Variants in PLCXD3 observed in about 807,000 individuals in gnomAD.
The protein encoded by PLCXD3 is phosphatidylinositol specific phospholipase C X domain containing 3.
In PLCXD3, 19 loss-of-function variants were observed where a neutral mutation model predicts 25.5. The ratio of observed to expected loss-of-function variants is 0.75; its 90% CI spans 0.52 to 1.09. The LOEUF (loss-of-function observed/expected upper bound fraction) is 1.09. Ranked by LOEUF, PLCXD3 falls within the 50% of genes least tolerant of loss-of-function variation. The probability of loss-of-function intolerance (pLI) is 0.00; values close to 1 mark genes in which losing one functional copy is unlikely to be tolerated. For missense variants in PLCXD3, 411 were observed against 388.1 expected, an observed-to-expected ratio of 1.06 and a Z score of -0.50; for synonymous variants, 174 against 137.6, an observed-to-expected ratio of 1.26 and a Z score of -1.85.
intron 2 of PLCXD3, among the ~76,000 whole-genome samples, chr5:41,355,614 C>T (rs1744597119): frequency 6.6e-6 from 1 of 152,148 alleles, no homozygotes. Context: ...GAAGACTATG[C>T]TTAGGGATTT....
intron 2 of PLCXD3, among the ~76,000 whole-genome samples, chr5:41,325,928 A>G (rs1249051579): frequency 6.6e-6 from 1 of 152,164 alleles, no homozygotes; most frequent in Non-Finnish European, 1.5e-5. Context: ...GAGTTTTCTC[A>G]TTGTGTCTTC....
intron 2 of PLCXD3, among the ~76,000 whole-genome samples, chr5:41,334,154 C>T (rs1009573287): frequency 6.6e-6 from 1 of 152,094 alleles, no homozygotes; most frequent in African/African-American, 2.4e-5. Flanking sequence ...AGTTTTGGTC[C>T]TGACTAGAGT....
At chr5:41,348,229 T>C (rs543091662) in intron 2 of PLCXD3, among the ~76,000 whole-genome samples, 27 of 152,178 alleles carry the variant, frequency 1.8e-4, no homozygotes, top group Non-Finnish European at 3.7e-4. Flanking sequence ...TGTGTGACAT[T>C]ATGATCTAAT....
At chr5:41,417,013 G>A (rs1174385893) in intron 1 of PLCXD3, among the ~76,000 whole-genome samples, 1 of 152,134 alleles carries the variant, frequency 6.6e-6, no homozygotes, top group African/African-American at 2.4e-5. Flanking sequence ...CAATGGTGGG[G>A]ACATTTAAGG....
chr5:41,502,825 C>T (rs1748980310), intron 1 of PLCXD3, among the ~76,000 whole-genome samples: 1 of 152,112 alleles, frequency 6.6e-6, no homozygotes, highest in Non-Finnish European at 1.5e-5. Context: ...AAGATCATCT[C>T]CAAAGGTGTG....
chr5:41,361,854 C>A (rs1744789418), intron 2 of PLCXD3, among the ~76,000 whole-genome samples: 1 of 152,156 alleles, frequency 6.6e-6, no homozygotes, highest in Non-Finnish European at 1.5e-5. Context: ...CTAATTATCA[C>A]AATTTTAATA....
intron 1 of PLCXD3, among the ~76,000 whole-genome samples, chr5:41,478,493 A>T: frequency 6.6e-6 from 1 of 152,334 alleles, no homozygotes; most frequent in East Asian, 1.9e-4. Context: ...ATCATTAATA[A>T]GTTGAAAGTA....
chr5:41,435,620 A>G (rs1460055777), intron 1 of PLCXD3, among the ~76,000 whole-genome samples: 1 of 152,208 alleles, frequency 6.6e-6, no homozygotes, highest in East Asian at 1.9e-4. Context: ...ATAGGTAAGA[A>G]TGGGGGTAGT....
chr5:41,313,967 T>C (rs548712009), intron 2 of PLCXD3, among the ~76,000 whole-genome samples, 197 bp from the exon 3 acceptor site: 1 of 152,324 alleles, frequency 6.6e-6, no homozygotes, highest in East Asian at 1.9e-4. Flanking sequence ...ATATTCACTA[T>C]ATTGATCCGT....
At chr5:41,445,224 T>C (rs949870269) in intron 1 of PLCXD3, among the ~76,000 whole-genome samples, 1 of 152,220 alleles carries the variant, frequency 6.6e-6, no homozygotes, top group Admixed American at 6.5e-5. Context: ...GTCTGGTTTA[T>C]TGGATTGTGG....
intron 2 of PLCXD3, among the ~76,000 whole-genome samples, chr5:41,338,852 C>T (rs1744056373): frequency 6.6e-6 from 1 of 152,188 alleles, no homozygotes; most frequent in African/African-American, 2.4e-5. Flanking sequence ...TTTCTGTGTG[C>T]TCCACTTTGT....
intron 1 of PLCXD3, among the ~76,000 whole-genome samples, chr5:41,482,006 A>G (rs1748424975): frequency 6.6e-6 from 1 of 152,252 alleles, no homozygotes; most frequent in Non-Finnish European, 1.5e-5. Context: ...ATGATGGGCT[A>G]TCAGTTATTA....
At chr5:41,320,375 A>C (rs941113306) in intron 2 of PLCXD3, among the ~76,000 whole-genome samples, 6 of 152,270 alleles carry the variant, frequency 3.9e-5, no homozygotes, top group Non-Finnish European at 7.3e-5. Flanking sequence ...AATTCTTAAC[A>C]AAACACTAGC....
chr5:41,452,632 C>G (rs1044302603), intron 1 of PLCXD3, among the ~76,000 whole-genome samples: 4 of 152,040 alleles, frequency 2.6e-5, no homozygotes, highest in African/African-American at 9.7e-5. Flanking sequence ...ACAATACACT[C>G]AAGTTGCCCC....
At chr5:41,358,365 GT>G (rs1201875295) in intron 2 of PLCXD3, among the ~76,000 whole-genome samples, 2 of 152,084 alleles carry the variant, frequency 1.3e-5, no homozygotes, top group African/African-American at 4.8e-5. Flanking sequence ...GCATGAATAA[GT>G]TTTATCGTAG....
intron 1 of PLCXD3, among the ~76,000 whole-genome samples, chr5:41,461,384 G>C (rs189066134): frequency 6.6e-6 from 1 of 151,922 alleles, no homozygotes; most frequent in East Asian, 1.9e-4. Context: ...ACCTATAAAA[G>C]GGGAGAAAGT....
At position 41,314,972 on chromosome 5, in the gene PLCXD3, T is replaced by C. The variant is rs570000119; in HGVS notation, c.813-1202A>G. On this transcript the variant is annotated intron_variant, in intron 2 of 2. Coordinates refer to ENST00000377801, the MANE Select transcript of PLCXD3 (RefSeq NM_001005473.3). ...AGAAGAATGCTTGCTAAAATAAATA[T>C]TGAAGGATTAGGAAGATTTAGCTGG... 1.5e-4 allele frequency among the ~76,000 whole-genome samples: 23 copies of C among 152,144 alleles called. No individual in the cohort carries two copies. In the South Asian group the frequency reaches 4.8e-3, roughly 32 times the overall value.
intron 1 of PLCXD3, among the ~76,000 whole-genome samples, chr5:41,430,646 A>G (rs1747076443): frequency 6.6e-6 from 1 of 152,148 alleles, no homozygotes; most frequent in Non-Finnish European, 1.5e-5. Flanking sequence ...ACCCAGTGTA[A>G]GCACTCATGC....
chr5:41,387,051 A>G (rs898921645), intron 1 of PLCXD3, among the ~76,000 whole-genome samples: 2 of 152,102 alleles, frequency 1.3e-5, no homozygotes, highest in African/African-American at 4.8e-5. Flanking sequence ...TCTGCATATC[A>G]TGCATGTATA....
Sources: gnomAD v4.1 joint callset for allele counts (sites outside exome capture counted in the v4.1 genomes callset) on GRCh38, gnomAD v4.1.1 for gene constraint, MANE v1.5 for transcripts, NCBI Gene and HGNC (gene_info 2026-07-23, HGNC 2026-07-21) for gene names.